Variants in MGMT observed in about 807,000 individuals in gnomAD.
MGMT encodes methylated-DNA--protein-cysteine methyltransferase.
In MGMT, 14 loss-of-function variants were observed where a neutral mutation model predicts 15.9. The ratio of observed to expected loss-of-function variants is 0.88; its 90% CI spans 0.58 to 1.37. The LOEUF (loss-of-function observed/expected upper bound fraction) is 1.37, where lower values mean the gene tolerates loss of function less well. Among genes scored for constraint, MGMT ranks in the 40% most tolerant of loss-of-function variants. The pLI is 0.00. For synonymous variants in MGMT, 130 were observed against 118.2 expected, an observed-to-expected ratio of 1.10 and a Z score of -0.65; for missense variants, 282 against 268.1, an observed-to-expected ratio of 1.05 and a Z score of -0.36.
chr10:129,712,967 T>C (rs11016885), intron 3 of MGMT, among the ~76,000 whole-genome samples: 40,173 of 152,040 alleles, frequency 0.26, 6,127 homozygotes, highest in East Asian at 0.34. Flanking sequence ...AAAATGTGCC[T>C]TATAAGTCGT....
intron 1 of MGMT, among the ~76,000 whole-genome samples, chr10:129,497,842 G>A (rs755581215): frequency 2.0e-5 from 3 of 152,192 alleles, no homozygotes; most frequent in Admixed American, 6.5e-5. Context: ...AGGACGCGGC[G>A]AGAAGGTGCT....
At chr10:129,719,411 G>C (rs1038108254) in intron 3 of MGMT, among the ~76,000 whole-genome samples, 2 of 152,228 alleles carry the variant, frequency 1.3e-5, no homozygotes, top group African/African-American at 4.8e-5. Context: ...GATCTGTGCA[G>C]GCTGCCAAAA....
chr10:129,732,051 A>G (rs1342100901), intron 3 of MGMT, among the ~76,000 whole-genome samples: 1 of 152,212 alleles, frequency 6.6e-6, no homozygotes, highest in Non-Finnish European at 1.5e-5. Flanking sequence ...GTGACCCCTG[A>G]TGATCCCTAG....
chr10:129,723,955 G>A (rs887147065), intron 3 of MGMT, among the ~76,000 whole-genome samples: 1 of 152,146 alleles, frequency 6.6e-6, no homozygotes, highest in Non-Finnish European at 1.5e-5. Context: ...CTTTGCAAAA[G>A]GTCTAGCAGC....
intron 3 of MGMT, among the ~76,000 whole-genome samples, chr10:129,716,723 T>C (rs1447428525): frequency 1.3e-5 from 2 of 152,218 alleles, no homozygotes; most frequent in South Asian, 2.1e-4. Flanking sequence ...GAGCAGCTGA[T>C]ATTAAAGGCT....
intron 1 of MGMT, among the ~76,000 whole-genome samples, chr10:129,530,356 T>C (rs779991641): frequency 6.6e-6 from 1 of 152,228 alleles, no homozygotes; most frequent in Non-Finnish European, 1.5e-5. Flanking sequence ...TAATCTTAGA[T>C]TTTTGGAAAA....
intron 2 of MGMT, among the ~76,000 whole-genome samples, chr10:129,576,150 A>G (rs1178288897): frequency 6.6e-6 from 1 of 152,240 alleles, no homozygotes; most frequent in East Asian, 1.9e-4. Flanking sequence ...ATTCCAATCA[A>G]TAGACAAAGA....
At chr10:129,747,620 C>A (rs1256441458) in intron 3 of MGMT, among the ~76,000 whole-genome samples, 1 of 152,178 alleles carries the variant, frequency 6.6e-6, no homozygotes, top group Non-Finnish European at 1.5e-5. Flanking sequence ...TTACACTTGA[C>A]ATCTTACATT....
At chr10:129,583,671 C>T (rs1276324572) in intron 2 of MGMT, among the ~76,000 whole-genome samples, 1 of 152,238 alleles carries the variant, frequency 6.6e-6, no homozygotes, top group Non-Finnish European at 1.5e-5. Context: ...CTCTGTGGCA[C>T]ACATAGCAGG....
chr10:129,621,786 T>C (rs1847093891), intron 2 of MGMT, among the ~76,000 whole-genome samples: 1 of 152,210 alleles, frequency 6.6e-6, no homozygotes, highest in Non-Finnish European at 1.5e-5. Context: ...AAAAATAGTG[T>C]GGACATTAAA....
intron 2 of MGMT, among the ~76,000 whole-genome samples, chr10:129,645,650 G>C (rs1053457970): frequency 4.6e-5 from 7 of 152,206 alleles, no homozygotes; most frequent in Non-Finnish European, 5.9e-5. Flanking sequence ...GCGTGTCGGT[G>C]GTTTTCCACT....
At chr10:129,733,635 A>G (rs946660680) in intron 3 of MGMT, among the ~76,000 whole-genome samples, 36 of 152,076 alleles carry the variant, frequency 2.4e-4, no homozygotes, top group African/African-American at 8.7e-4. Context: ...GTCCTTGCCC[A>G]TGCCTATGTC....
At chr10:129,660,296 A>G (rs1847581311) in intron 2 of MGMT, among the ~76,000 whole-genome samples, 1 of 151,900 alleles carries the variant, frequency 6.6e-6, no homozygotes, top group African/African-American at 2.4e-5. Flanking sequence ...ATCTCGGCGG[A>G]TGGGCGAGTG....
At chr10:129,650,404 G>A (rs1232144426) in intron 2 of MGMT, among the ~76,000 whole-genome samples, 1 of 152,206 alleles carries the variant, frequency 6.6e-6, no homozygotes, top group African/African-American at 2.4e-5. Context: ...AGCCCTTGCT[G>A]GCCAGGGTGC....
intron 2 of MGMT, among the ~76,000 whole-genome samples, chr10:129,644,330 G>A (rs1031790695): frequency 2.6e-5 from 4 of 152,244 alleles, no homozygotes; most frequent in African/African-American, 7.2e-5. Context: ...GACAATGGCA[G>A]TACACTGCGG....
At chr10:129,638,098 T>C (rs1480813930) in intron 2 of MGMT, among the ~76,000 whole-genome samples, 1 of 152,240 alleles carries the variant, frequency 6.6e-6, no homozygotes, top group East Asian at 1.9e-4. Flanking sequence ...AAGGGGAACA[T>C]ATGCTCAGGA....
At chr10:129,670,884 G>A (rs193189464) in intron 2 of MGMT, among the ~76,000 whole-genome samples, 2 of 152,270 alleles carry the variant, frequency 1.3e-5, no homozygotes, top group East Asian at 3.9e-4. Flanking sequence ...TAATTTTTCT[G>A]TATGTGAAAA....
At chr10:129,587,204 G>A (rs950844449) in intron 2 of MGMT, among the ~76,000 whole-genome samples, 1 of 151,576 alleles carries the variant, frequency 6.6e-6, no homozygotes, top group African/African-American at 2.4e-5. Context: ...TTTTTGGGTT[G>A]GTGTGCTTGT....
intron 1 of MGMT, among the ~76,000 whole-genome samples, chr10:129,501,232 C>T (rs1417986275): frequency 6.6e-6 from 1 of 152,214 alleles, no homozygotes; most frequent in African/African-American, 2.4e-5. Context: ...AAGTTGCCCC[C>T]TCTTCCCTCT....
Sources: allele counts gnomAD v4.1 joint callset (sites outside exome capture counted in the v4.1 genomes callset), GRCh38; gene constraint gnomAD v4.1.1; transcripts MANE v1.5; gene names NCBI Gene and HGNC (gene_info 2026-07-23, HGNC 2026-07-21).